MYOM1: variants seen among roughly 807,000 people sequenced by gnomAD.
MYOM1 encodes myomesin 1.
A neutral mutation model predicts 205.3 loss-of-function variants in MYOM1; 164 were observed. The ratio of observed to expected loss-of-function variants is 0.80; its 90% CI spans 0.70 to 0.91. The LOEUF is 0.91. MYOM1 is among the 40% of genes least tolerant of loss of function. MYOM1 has a pLI of 0.00. For missense variants in MYOM1, 2,011 were observed against 2,127.3 expected, an observed-to-expected ratio of 0.95 and a Z score of 1.08; for synonymous variants, 772 against 789.4, an observed-to-expected ratio of 0.98 and a Z score of 0.37.
At chr18:3,177,445 CATTATTATTATTATTATT>C (rs138933689) in intron 5 of MYOM1, among the ~76,000 whole-genome samples, 4 of 139,246 alleles carry the variant, frequency 2.9e-5, no homozygotes, top group Admixed American at 7.2e-5. Context: ...GAAGCAATAT[CATTATTATTATTATTATT>C]ATTATTATTA....
intron 22 of MYOM1, among the ~76,000 whole-genome samples, chr18:3,107,854 T>C (rs967654383): frequency 6.6e-6 from 1 of 152,194 alleles, no homozygotes; most frequent in Non-Finnish European, 1.5e-5. Context: ...ATGATAATAG[T>C]CCTCTCTGTT....
intron 21 of MYOM1, among the ~76,000 whole-genome samples, chr18:3,112,758 C>A (rs2079546287): frequency 6.6e-6 from 1 of 152,166 alleles, no homozygotes; most frequent in Non-Finnish European, 1.5e-5. Flanking sequence ...GTCAAAAGGA[C>A]AAAATACAAA....
intron 2 of MYOM1, among the ~76,000 whole-genome samples, chr18:3,213,825 A>C (rs1233394582): frequency 6.6e-6 from 1 of 152,184 alleles, no homozygotes; most frequent in African/African-American, 2.4e-5. Flanking sequence ...CTCAATTCCC[A>C]CTTCTGGTGA....
In MYOM1 at chr18:3,135,274, A is replaced by T; in HGVS notation, c.2209+273T>A. The T allele has an allele frequency of 3.0e-6, 1 of 333,088 alleles. No individual in the cohort carries two copies. The allele number at this position is 333,088 out of a possible 1,614,324, so 20.6% of individuals were successfully genotyped here. A position where few individuals can be genotyped will look rare whatever the true frequency, so the allele number is the denominator to read the frequency against. Reference sequence around the variant, plus strand: ...CTACATTGTATTTTTTAAAGCAAAAAATTTTAAAACAGTTAGGGAGCATGG... The same window carrying T: ...CTACATTGTATTTTTTAAAGCAAAATATTTTAAAACAGTTAGGGAGCATGG... On this transcript the variant is annotated intron_variant, in intron 15 of 37. Transcript: ENST00000356443. The surrounding 1 kb of genome is among the most constrained non-coding windows in gnomAD (Gnocchi z 4.1).
chr18:3,121,546 C>T (rs2079691599), intron 19 of MYOM1, among the ~76,000 whole-genome samples: 6 of 152,094 alleles, frequency 3.9e-5, no homozygotes, highest in Admixed American at 3.9e-4. Flanking sequence ...ATCTATAAAA[C>T]AATAATCACA....
chr18:3,123,906 C>T (rs2079736838), intron 19 of MYOM1, among the ~76,000 whole-genome samples: 1 of 151,078 alleles, frequency 6.6e-6, no homozygotes, highest in Non-Finnish European at 1.5e-5. Flanking sequence ...ACTGCAACCT[C>T]CACCTCCCGG....
intron 34 of MYOM1, among the ~76,000 whole-genome samples, chr18:3,078,587 A>C (rs575611912): frequency 6.6e-6 from 1 of 151,990 alleles, no homozygotes; most frequent in South Asian, 2.1e-4. Context: ...ATGCTACCAC[A>C]CTTGGCTAAT....
At chr18:3,173,873 G>T in intron 8 of MYOM1, 65 bp downstream of exon 8, 1 of 1,425,236 alleles carries the variant, frequency 7.0e-7, no homozygotes, top group Non-Finnish European at 9.9e-7. Flanking sequence ...TCAGCATTAT[G>T]GGCTAACTTA....
Position 3,094,314 on chromosome 18 carries a change from A to G in MYOM1, c.3728-8T>C. 1.9e-6 allele frequency: 3 copies of G among 1,606,734 alleles called. No individual in the cohort carries two copies. The highest frequency in any genetic ancestry group is 2.5e-6 in the Non-Finnish European group (3 of 1,176,556). ...CTGATTTAACTGGGACAGCTATGAA[A>G]AGTAAAAATAAACACAGTAATTATA... On this transcript the variant is annotated splice_polypyrimidine_tract_variant and splice_region_variant and intron_variant, in intron 25 of 37. Coordinates refer to ENST00000356443, the MANE Select transcript of MYOM1 (RefSeq NM_003803.4).
the MYOM1 span, among the ~76,000 whole-genome samples, chr18:3,237,732 T>C: frequency 2.6e-5 from 4 of 151,714 alleles, no homozygotes; most frequent in African/African-American, 4.9e-5. Context: ...ATAACTTACA[T>C]GAAATACTTA....
At chr18:3,174,723 T>C (rs1176681561) in intron 6 of MYOM1, among the ~76,000 whole-genome samples, 1 of 152,168 alleles carries the variant, frequency 6.6e-6, no homozygotes, top group Non-Finnish European at 1.5e-5. Flanking sequence ...AGTCCCTCCG[T>C]GTAGATTCCC....
intron 19 of MYOM1, 23 bp downstream of exon 19, chr18:3,126,678 A>G: frequency 6.3e-7 from 1 of 1,599,560 alleles, no homozygotes; most frequent in Non-Finnish European, 8.5e-7. Context: ...GACACGCCAC[A>G]CTACAGAAAG....
chr18:3,186,983 GAAAA>G (rs776332967), intron 5 of MYOM1, among the ~76,000 whole-genome samples: 61 of 151,324 alleles, frequency 4.0e-4, no homozygotes, highest in Non-Finnish European at 7.9e-4. Flanking sequence ...AAAGAAGAAA[GAAAA>G]AAAGAAAGAA....
chr18:3,234,884 CTCTT>C, the MYOM1 span, among the ~76,000 whole-genome samples: 1 of 151,720 alleles, frequency 6.6e-6, no homozygotes, highest in African/African-American at 2.4e-5. Flanking sequence ...AATTTGGTCT[CTCTT>C]TCAGTTTCAG....
chr18:3,169,058 G>T, intron 8 of MYOM1, 77 bp from the exon 9 acceptor site: 32 of 1,218,778 alleles, frequency 2.6e-5, no homozygotes, highest in Non-Finnish European at 2.8e-5. Flanking sequence ...AGCACAGGCA[G>T]AAAGCAGTCA....
chr18:3,155,031 T>C lies in MYOM1; in HGVS notation c.1559A>G (p.Glu520Gly), dbSNP rs955564161. ...PAAPLDVKCL[E>G]ANKDYIIISW... is the part of the protein sequence containing the mutation. The stretch of plus-strand genomic sequence containing the variant: ...GATGATGATATAATCTTTGTTGGCC[T>C]CCAAGCACTTCACATCCAAGGGAGC... The change falls in exon 11 of 38, where the codon GAG (glutamate) becomes GGG (glycine). Residue 520 changes from glutamate (E) to glycine (G), a missense_variant. Glu to Gly is a moderately conservative substitution (Grantham distance 98). Transcript: ENST00000356443. 3 of 1,613,356 alleles carry C rather than the reference T, an allele frequency of 1.9e-6. No homozygotes were observed. The highest frequency in any genetic ancestry group is 8.5e-7 in the Non-Finnish European group (1 of 1,179,664).
At chr18:3,101,444 C>T (rs750105473) in intron 23 of MYOM1, among the ~76,000 whole-genome samples, 1 of 152,162 alleles carries the variant, frequency 6.6e-6, no homozygotes, top group Non-Finnish European at 1.5e-5. Context: ...TCCATTCTCC[C>T]CATGCTCATT....
chr18:3,085,206 TTCTGC>T, intron 30 of MYOM1, 74 bp from the exon 31 acceptor site: 3 of 659,986 alleles, frequency 4.5e-6, no homozygotes, highest in Non-Finnish European at 4.9e-6. Context: ...TTTTTTTTTC[TTCTGC>T]TTCTTCTGCT....
At chr18:3,183,905 C>CTA in intron 5 of MYOM1, among the ~76,000 whole-genome samples, 1 of 150,498 alleles carries the variant, frequency 6.6e-6, no homozygotes, top group African/African-American at 2.5e-5. Flanking sequence ...TTTTCGTTCT[C>CTA]TCTCTTTTTT....
Sources: gnomAD v4.1 joint callset for allele counts (sites outside exome capture counted in the v4.1 genomes callset) on GRCh38, gnomAD v4.1.1 for gene constraint, Gnocchi (gnomAD v3.1) non-coding constraint, MANE v1.5 for transcripts, NCBI Gene and HGNC (gene_info 2026-07-23, HGNC 2026-07-21) for gene names.